Variants in PSMD12 observed in about 807,000 individuals in gnomAD.
PSMD12 encodes 26S proteasome non-ATPase regulatory subunit 12.
In PSMD12, 8 loss-of-function variants were observed where a neutral mutation model predicts 62.9. The observed-to-expected ratio is 0.13, with a 90% CI of 0.07 to 0.23. The LOEUF is 0.23. PSMD12 is among the 10% of genes least tolerant of loss of function. The pLI is 1.00. For missense variants in PSMD12, 424 were observed against 550.2 expected, an observed-to-expected ratio of 0.77 and a Z score of 2.29; for synonymous variants, 173 against 187.4, an observed-to-expected ratio of 0.92 and a Z score of 0.63.
rs1598549556 is a variant in PSMD12 at position 67,340,063 on chromosome 17, T to A, written c.*780A>T. 2 of 84,430 alleles carry A rather than the reference T, an allele frequency of 2.4e-5. No homozygotes were observed. Among genetic ancestry groups the A allele is most frequent in the Admixed American group, 1.4e-4 (1 of 7,130 alleles). The allele number at this position is 84,430 out of a possible 1,614,324, so 5.2% of individuals were successfully genotyped here. On this transcript the variant is annotated 3_prime_UTR_variant, in exon 11 of 11. Coordinates refer to ENST00000356126, the MANE Select transcript of PSMD12 (RefSeq NM_002816.5). ...CAACTTTATGTTAAATTTAAACCCA[T>A]ATAAAGAAAGGGGAGAGGAAGAAGA...
chr17:67,352,080 CAAA>C (rs566803266), intron 3 of PSMD12, among the ~76,000 whole-genome samples: 3 of 107,720 alleles, frequency 2.8e-5, no homozygotes, highest in Non-Finnish European at 2.0e-5. Flanking sequence ...GAATCTCTCT[CAAA>C]AAAAAAAAAA....
At chr17:67,344,849 G>T in intron 8 of PSMD12, 69 bp from the exon 9 acceptor site, 1 of 1,264,574 alleles carries the variant, frequency 7.9e-7, no homozygotes, top group Non-Finnish European at 1.1e-6. Flanking sequence ...TAATAGCAAA[G>T]TTCAAAAAAT....
chr17:67,344,424 A>G (rs1189655512), intron 9 of PSMD12, among the ~76,000 whole-genome samples, 182 bp downstream of exon 9: 1 of 152,210 alleles, frequency 6.6e-6, no homozygotes, highest in African/African-American at 2.4e-5. Flanking sequence ...TCACTACTAC[A>G]GTGGGCATAG....
At chr17:67,355,022 C>CATATTTT (rs1324265369) in intron 3 of PSMD12, among the ~76,000 whole-genome samples, 1 of 151,442 alleles carries the variant, frequency 6.6e-6, no homozygotes, top group African/African-American at 2.4e-5. Flanking sequence ...TTCACATTCA[C>CATATTTT]ATATTTTAGG....
chr17:67,357,678 G>C, intron 1 of PSMD12, 100 bp from the exon 2 acceptor site: 1 of 1,191,856 alleles, frequency 8.4e-7, no homozygotes, highest in Non-Finnish European at 1.2e-6. Flanking sequence ...AAAATCAACA[G>C]CCTCTTCTAG....
At chr17:67,362,860 G>T (rs2042145942) in intron 1 of PSMD12, 2 of 152,176 alleles carry the variant, frequency 1.3e-5, no homozygotes, top group Non-Finnish European at 1.5e-5. Context: ...CAGGGTTGGT[G>T]TAAGATTTAA....
intron 5 of PSMD12, 57 bp downstream of exon 5, chr17:67,348,493 T>C (rs1481133780): frequency 1.2e-5 from 17 of 1,390,988 alleles, no homozygotes; most frequent in Non-Finnish European, 1.7e-5. Flanking sequence ...TATATTTCCA[T>C]TAGAAAATGC....
intron 3 of PSMD12, among the ~76,000 whole-genome samples, chr17:67,354,545 T>C (rs1237555576): frequency 6.6e-6 from 1 of 152,248 alleles, no homozygotes; most frequent in Non-Finnish European, 1.5e-5. Flanking sequence ...TTTTTGTTGA[T>C]TTCAACCTAG....
chr17:67,352,263 T>A (rs1392367400), intron 3 of PSMD12, among the ~76,000 whole-genome samples: 4 of 151,996 alleles, frequency 2.6e-5, no homozygotes, highest in African/African-American at 9.7e-5. Context: ...CAGCTAATAT[T>A]TTTAAAGTTT....
Position 67,366,436 on chromosome 17 carries a change from T to C in PSMD12, c.84A>G (p.Leu28=). Residue 28 remains leucine, a synonymous_variant, in exon 1 of 11, where the codon CTA becomes CTG. Coordinates refer to ENST00000356126, the MANE Select transcript of PSMD12 (RefSeq NM_002816.5). ...VDYSATVDQR[L]PECAKLAKEG... ...CCTTGGCTAGCTTCGCACACTCGGG[T>C]AGGCGCTGATCCACCGTGGCGCTGT... is the stretch of plus-strand genomic sequence containing the variant. 3 of 1,611,748 alleles carry C rather than the reference T, an allele frequency of 1.9e-6. No individual in the cohort carries two copies. In the South Asian group the frequency reaches 3.3e-5, roughly 18 times the overall value.
chr17:67,358,750 G>A (rs1022889341), intron 1 of PSMD12, among the ~76,000 whole-genome samples: 3 of 152,048 alleles, frequency 2.0e-5, no homozygotes, highest in Non-Finnish European at 4.4e-5. Context: ...ATGACTTTAA[G>A]AATAAATTAG....
chr17:67,360,240 A>G (rs1027839724), intron 1 of PSMD12, among the ~76,000 whole-genome samples: 1 of 152,236 alleles, frequency 6.6e-6, no homozygotes, highest in Non-Finnish European at 1.5e-5. Context: ...TAGTCACGTG[A>G]CTGTGATCAA....
In PSMD12 at chr17:67,339,224, C is replaced by T. The variant is rs1485488441; in HGVS notation, c.*1619G>A. The T allele has an allele frequency of 6.6e-6, 1 of 152,060 alleles. No individual in the cohort carries two copies. Among genetic ancestry groups the T allele is most frequent in the Non-Finnish European group, 1.5e-5 (1 of 68,028 alleles). 9.4% of individuals were successfully genotyped at this position (152,060 alleles called of 1,614,324 possible). ...CTGGCTTCAAGGAATTCTCCCACCTCAGCCTCCCAAGTAACTGGGACTACA... is the reference window on the plus strand; with the variant it reads ...CTGGCTTCAAGGAATTCTCCCACCTTAGCCTCCCAAGTAACTGGGACTACA... On this transcript the variant is annotated 3_prime_UTR_variant, in exon 11 of 11. Transcript: ENST00000356126.
intron 1 of PSMD12, among the ~76,000 whole-genome samples, chr17:67,357,888 A>G (rs2042090484): frequency 6.6e-6 from 1 of 151,942 alleles, no homozygotes; most frequent in African/African-American, 2.4e-5. Context: ...TTTGGATTCT[A>G]ATTTATCAAC....
Position 67,345,825 on chromosome 17 carries a change from C to A in PSMD12, c.828G>T (p.Leu276=). Residue 276 remains leucine (L), a synonymous_variant, in exon 8 of 11, where the codon CTG becomes CTT. Transcript: ENST00000356126. ...CTGACTGTTCATTGTCAAAAGGAGC[C>A]AGGATAACATAGAGTACAACACTCT... ...ALKSVVLYVI[L]APFDNEQSDL... 1.6e-5 allele frequency: 26 copies of A among 1,613,760 alleles called. No individual in the cohort carries two copies. The highest frequency in any genetic ancestry group is 1.9e-5 in the Non-Finnish European group (23 of 1,179,754).
In PSMD12 at chr17:67,347,279, G is replaced by T. The variant is rs200659077; in HGVS notation, c.661-29C>A. On this transcript the variant is annotated intron_variant, in intron 6 of 10. Transcript: ENST00000356126. ...CAAAAAAGTTGACAAAACAAATTGG[G>T]GTTTATGGGTTTTATTCATACTTTT... is the stretch of plus-strand genomic sequence containing the variant. The T allele has an allele frequency of 8.7e-6, 14 of 1,611,910 alleles. No homozygotes were observed. In the African/African-American group the frequency reaches 1.7e-4, roughly 20 times the overall value.
chr17:67,348,169 A>G (rs1170929699), intron 5 of PSMD12, among the ~76,000 whole-genome samples: 6 of 152,186 alleles, frequency 3.9e-5, no homozygotes, highest in African/African-American at 1.4e-4. Context: ...TCATATGGTA[A>G]GCATATGTGT....
chr17:67,352,080 CAAAA>C (rs566803266), intron 3 of PSMD12, among the ~76,000 whole-genome samples: 1 of 107,740 alleles, frequency 9.3e-6, no homozygotes, highest in Admixed American at 1.0e-4. Context: ...GAATCTCTCT[CAAAA>C]AAAAAAAAAA....
At position 67,337,961 on chromosome 17, in the gene PSMD12, C is replaced by T. The variant is rs1191345686; in HGVS notation, c.*2882G>A. 1 of 151,886 alleles carries T rather than the reference C, an allele frequency of 6.6e-6. No individual in the cohort carries two copies. The highest frequency in any genetic ancestry group is 6.6e-5 in the Admixed American group (1 of 15,232). The allele number at this position is 151,886 out of a possible 1,614,324, so 9.4% of individuals were successfully genotyped here. A position where few individuals can be genotyped will look rare whatever the true frequency, so the allele number is the denominator to read the frequency against. ...TTATTCTCCAGGTTTTCTTAAATACCCACAAATTAGTGTTTTTATTGCTGC... is the reference window on the plus strand; with the variant it reads ...TTATTCTCCAGGTTTTCTTAAATACTCACAAATTAGTGTTTTTATTGCTGC... On this transcript the variant is annotated 3_prime_UTR_variant, in exon 11 of 11. Coordinates refer to ENST00000356126, the MANE Select transcript of PSMD12 (RefSeq NM_002816.5).
Sources: allele counts gnomAD v4.1 joint callset (sites outside exome capture counted in the v4.1 genomes callset), GRCh38; gene constraint gnomAD v4.1.1; transcripts MANE v1.5; gene names NCBI Gene and HGNC (gene_info 2026-07-23, HGNC 2026-07-21).